Variants in PCIF1 observed in about 807,000 individuals in gnomAD.
PCIF1 encodes the protein mRNA (2'-O-methyladenosine-N(6)-)-methyltransferase.
A neutral mutation model predicts 86.9 loss-of-function variants in PCIF1; 12 were observed. That is an observed-to-expected ratio of 0.14 (90% CI 0.09 to 0.22). The LOEUF (loss-of-function observed/expected upper bound fraction) is 0.22, where lower values mean the gene tolerates loss of function less well. Among genes scored for constraint, PCIF1 ranks in the 10% least tolerant of loss-of-function variants. The pLI is 1.00. For synonymous variants in PCIF1, 397 were observed against 372.0 expected, an observed-to-expected ratio of 1.07 and a Z score of -0.77; for missense variants, 701 against 951.1, an observed-to-expected ratio of 0.74 and a Z score of 3.46.
intron 7 of PCIF1, 49 bp downstream of exon 7, chr20:45,941,256 A>T: frequency 6.5e-7 from 1 of 1,550,048 alleles, no homozygotes; most frequent in Non-Finnish European, 8.7e-7. Flanking sequence ...CACCTTTAGC[A>T]TGAGCCAGGT....
chr20:45,941,977 T>A (rs543519102), intron 7 of PCIF1, among the ~76,000 whole-genome samples: 109 of 147,424 alleles, frequency 7.4e-4, no homozygotes, highest in African/African-American at 2.2e-3. Flanking sequence ...TTTTTTTTTT[T>A]AATTTTTTTT....
rs990820190 is a variant in PCIF1, at chr20:45,944,741, G to A, written c.1006-127G>A. The A allele has an allele frequency of 1.4e-5, 14 of 987,402 alleles. 1 individual carries two copies. The South Asian group carries it at 2.0e-4, about 14-fold the overall frequency. The allele number at this position is 987,402 out of a possible 1,614,324, so 61.2% of individuals were successfully genotyped here. ...CCAGGGGATTTGTCCAAGTGACACA[G>A]CTAGTCAGCAGCAGAGCTGGTTTCA... On this transcript the variant is annotated intron_variant, in intron 10 of 16. Transcript: ENST00000372409.
In PCIF1 at chr20:45,940,536, C is replaced by A. The variant is rs1273801369; in HGVS notation, c.311C>A (p.Pro104His). 1.2e-6 allele frequency: 2 copies of A among 1,608,388 alleles called. No homozygotes were observed. Among genetic ancestry groups the A allele is most frequent in the Admixed American group, 3.4e-5 (2 of 59,308 alleles). Residue 104 changes from proline to histidine, a missense_variant, in exon 5 of 17, where the codon CCC (proline) becomes CAC (histidine). This residue lies in a region of PCIF1 where 125 missense variants were observed against 126.8 expected (regional missense o/e 0.99). Coordinates refer to ENST00000372409, the MANE Select transcript of PCIF1 (RefSeq NM_022104.4). The part of the protein sequence containing the change: ...LPQDSSLVET[P>H]PAENKPRKRQ... ...CAAGACTCAAGCTTGGTGGAAACTC[C>A]CCCGGCTGAGAACAAGCCCAGAAAG...
rs1249785767 is a variant in PCIF1 at position 45,947,073 on chromosome 20, G to A, written c.1614G>A (p.Gly538=). The A allele has an allele frequency of 6.2e-7, 1 of 1,608,430 alleles. No homozygotes were observed. Among genetic ancestry groups the A allele is most frequent in the Admixed American group, 1.7e-5 (1 of 59,784 alleles). ...TTAGAATGCTCACTCCTGTCCCCAG[G>A]CCCTGCCTAGACTTTGCTCCACTGA... The part of the protein sequence containing the change: ...PDTDGYFGSR[G]PCLDFAPLSG... The change falls in exon 15 of 17, where the codon GGG becomes GGA. Residue 538 remains glycine (G), a splice_region_variant and synonymous_variant. Coordinates refer to ENST00000372409, the MANE Select transcript of PCIF1 (RefSeq NM_022104.4). The surrounding 1 kb of genome is among the most constrained non-coding windows in gnomAD (Gnocchi z 5.4).
chr20:45,935,088 G>C (rs1442818464), intron 1 of PCIF1, among the ~76,000 whole-genome samples: 4 of 151,654 alleles, frequency 2.6e-5, no homozygotes, highest in African/African-American at 4.8e-5. Context: ...CCTCAGCCCG[G>C]GGGCGGGAGC....
chr20:45,938,506 G>T (rs1267789749), intron 2 of PCIF1, among the ~76,000 whole-genome samples: 1 of 152,192 alleles, frequency 6.6e-6, no homozygotes. Context: ...TGCAGAATCA[G>T]TAGTGCTCCT....
At position 45,947,742 on chromosome 20, in the gene PCIF1, C is replaced by G; in HGVS notation, c.2102C>G (p.Pro701Arg). The G allele has an allele frequency of 6.3e-7, 1 of 1,599,514 alleles. No individual in the cohort carries two copies. The change falls in exon 17 of 17, where the codon CCT (proline) becomes CGT (arginine). Residue 701 changes from proline to arginine, a missense_variant. Physicochemically the swap from Pro to Arg is moderately radical, Grantham distance 103. Coordinates refer to ENST00000372409, the MANE Select transcript of PCIF1 (RefSeq NM_022104.4). The surrounding 1 kb of genome is among the most constrained non-coding windows in gnomAD (Gnocchi z 5.4). Reference protein sequence around the residue: ...SGREQGPSREPHPT With the variant: ...SGREQGPSRERHPT ...CGTGAGCAGGGTCCTAGCCGCGAGC[C>G]TCACCCCACTTAACATATCCTGCGG...
intron 7 of PCIF1, among the ~76,000 whole-genome samples, chr20:45,941,442 A>G (rs1002086390): frequency 2.0e-5 from 3 of 152,182 alleles, no homozygotes; most frequent in Non-Finnish European, 4.4e-5. Context: ...AATGAACTGT[A>G]GTTTTTAATT....
rs368133509 is a variant in PCIF1, at chr20:45,943,067, C to G, written c.674-30C>G. On this transcript the variant is annotated intron_variant, in intron 7 of 16. Transcript: ENST00000372409. The surrounding 1 kb of genome is among the most constrained non-coding windows in gnomAD (Gnocchi z 5.5). ...CCAAGTGGGACTGCTTGATTAAATC[C>G]AGGCCTTCAGCAGCTCTCCTGTCCT... 57 of 1,607,014 alleles carry G rather than the reference C, an allele frequency of 3.5e-5. No homozygotes were observed. In the African/African-American group the frequency reaches 6.4e-4, roughly 18 times the overall value.
intron 1 of PCIF1, 140 bp from the exon 2 acceptor site, chr20:45,937,278 T>G (rs1054324967): frequency 4.3e-5 from 17 of 397,298 alleles, no homozygotes; most frequent in African/African-American, 2.5e-4. Flanking sequence ...AGGTATCATT[T>G]TCATCCCCTG....
In PCIF1 at chr20:45,947,904, T is replaced by G; in HGVS notation, c.*149T>G. ...CCCCTCCCTGCCTGTCCCCAAGTCC[T>G]CACCTCAAACTCCCTCCAAGTCCCA... On this transcript the variant is annotated 3_prime_UTR_variant, in exon 17 of 17. Coordinates refer to ENST00000372409, the MANE Select transcript of PCIF1 (RefSeq NM_022104.4). The surrounding 1 kb of genome is among the most constrained non-coding windows in gnomAD (Gnocchi z 5.4). 6.5e-7 allele frequency: 1 copy of G among 1,533,654 alleles called. No individual in the cohort carries two copies. Among genetic ancestry groups the G allele is most frequent in the Non-Finnish European group, 8.7e-7 (1 of 1,146,420 alleles).
At chr20:45,941,349 G>C (rs935660073) in intron 7 of PCIF1, 142 bp downstream of exon 7, 2 of 952,888 alleles carry the variant, frequency 2.1e-6, no homozygotes, top group Non-Finnish European at 3.1e-6. Context: ...CTGAGTGACA[G>C]AGCAAGACCC....
At position 45,945,873 on chromosome 20, in the gene PCIF1, T is replaced by A. The variant is rs150279716; in HGVS notation, c.1331T>A (p.Phe444Tyr). The change falls in exon 12 of 17, where the codon TTC becomes TAC. Residue 444 changes from phenylalanine (F) to tyrosine (Y), a missense_variant. This residue lies in a region of PCIF1 where 121 missense variants were observed against 131.7 expected (regional missense o/e 0.92). Coordinates refer to ENST00000372409, the MANE Select transcript of PCIF1 (RefSeq NM_022104.4). ...GEMVKVSRNY[F>Y]SKLWLLYRYS... Reference sequence around the variant, plus strand: ...ATGGTCAAGGTCAGCCGCAACTACTTCAGCAAGCTGGTAAGAGCTGCGGGG... The same window carrying A: ...ATGGTCAAGGTCAGCCGCAACTACTACAGCAAGCTGGTAAGAGCTGCGGGG... 8.7e-5 allele frequency: 141 copies of A among 1,613,790 alleles called. No individual in the cohort carries two copies. In the African/African-American group the frequency reaches 1.6e-3, roughly 18 times the overall value.
At chr20:45,945,085 A>T in intron 11 of PCIF1, 55 bp downstream of exon 11, 1 of 1,516,270 alleles carries the variant, frequency 6.6e-7, no homozygotes, top group Non-Finnish European at 8.9e-7. Flanking sequence ...CTATACCCTG[A>T]TGGAAGGGAC....
intron 1 of PCIF1, among the ~76,000 whole-genome samples, chr20:45,935,273 C>T (rs537429748): frequency 2.8e-4 from 42 of 152,206 alleles, no homozygotes; most frequent in African/African-American, 1.0e-3. Context: ...CCCTTTGACT[C>T]CTCCCTACTG....
rs1233182803 is a variant in PCIF1, at chr20:45,940,874, A to G, written c.453A>G (p.Pro151=). 1.9e-6 allele frequency: 3 copies of G among 1,614,192 alleles called. No homozygotes were observed. In the South Asian group the frequency reaches 3.3e-5, roughly 18 times the overall value. The change falls in exon 6 of 17, where the codon CCA becomes CCG. Residue 151 remains proline, a synonymous_variant. Transcript: ENST00000372409. ...VPSSPSIPGT[P]TLKMWGTSPE... is the part of the protein sequence containing the mutation. ...GCTCCCCCAGTATCCCAGGAACCCCAACGCTGAAGATGTGGGGTACGTCCC... is the reference window on the plus strand; with the variant it reads ...GCTCCCCCAGTATCCCAGGAACCCCGACGCTGAAGATGTGGGGTACGTCCC...
Position 45,939,280 on chromosome 20 carries a change from A to G in PCIF1, c.190A>G (p.Asn64Asp). The G allele has an allele frequency of 6.2e-7, 1 of 1,613,720 alleles. No individual in the cohort carries two copies. Among genetic ancestry groups the G allele is most frequent in the Non-Finnish European group, 8.5e-7 (1 of 1,180,006 alleles). The part of the protein sequence containing the change: ...SRRENRPYYF[N>D]RFTNQSLWEM... ...GAGGGAGAATCGTCCCTACTACTTC[A>G]ACCGATTCACCAACCAGTCCCTGTG... Residue 64 changes from asparagine to aspartate, a missense_variant, in exon 4 of 17, where the codon AAC becomes GAC. Physicochemically the swap from Asn to Asp is conservative, Grantham distance 23. Transcript: ENST00000372409.
In PCIF1 at chr20:45,939,315, C is replaced by T. The variant is rs142489010; in HGVS notation, c.225C>T (p.Pro75=). The T allele has an allele frequency of 2.7e-5, 44 of 1,613,546 alleles. No individual in the cohort carries two copies. In the African/African-American group the frequency reaches 3.1e-4, roughly 11 times the overall value. ...CCAACCAGTCCCTGTGGGAGATGCC[C>T]GTGCTGGGGCAGCACGATGTGATTG... ...RFTNQSLWEM[P]VLGQHDVISD... The change falls in exon 4 of 17, where the codon CCC becomes CCT. Residue 75 remains proline, a synonymous_variant. Transcript: ENST00000372409.
At chr20:45,939,774 G>T (rs1009528772) in intron 4 of PCIF1, among the ~76,000 whole-genome samples, 2 of 152,188 alleles carry the variant, frequency 1.3e-5, no homozygotes, top group Admixed American at 1.3e-4. Context: ...GTGAGTGTGG[G>T]GAGGAAAAGA....
Sources: gnomAD v4.1 joint callset for allele counts (sites outside exome capture counted in the v4.1 genomes callset) on GRCh38, gnomAD v4.1.1 for gene constraint, gnomAD v4.1.1 regional missense constraint, Gnocchi (gnomAD v3.1) non-coding constraint, MANE v1.5 for transcripts, NCBI Gene and HGNC (gene_info 2026-07-23, HGNC 2026-07-21) for gene names.